The following SPEG variants were observed in gnomAD, a reference collection of about 807,000 sequenced individuals.
SPEG encodes striated muscle enriched protein kinase.
A neutral mutation model predicts 300.4 loss-of-function variants in SPEG; 114 were observed. The ratio of observed to expected loss-of-function variants is 0.38; its 90% confidence interval spans 0.33 to 0.44. The LOEUF (loss-of-function observed/expected upper bound fraction) is 0.44. SPEG is among the 20% of genes least tolerant of loss of function. The pLI, the probability that SPEG is intolerant of heterozygous loss-of-function variation, is 1.00. For missense variants in SPEG, 4,201 were observed against 4,586.2 expected, an observed-to-expected ratio of 0.92 and a Z score of 2.43; for synonymous variants, 1,964 against 2,018.9, an observed-to-expected ratio of 0.97 and a Z score of 0.73.
rs1309327561 is a variant in SPEG, at chr2:219,434,863, G to A, written c.-115G>A. On this transcript the variant is annotated 5_prime_UTR_variant, in exon 1 of 41. Transcript: ENST00000312358. ...TGGGTAGCACAGGCCGAAGGCGGGC[G>A]GGCAGCAGGAAGGCAGGCCGCCGGC... is the stretch of plus-strand genomic sequence containing the variant. 6.1e-6 allele frequency: 4 copies of A among 660,170 alleles called. No homozygotes were observed. Among genetic ancestry groups the A allele is most frequent in the African/African-American group, 5.8e-5 (3 of 51,820 alleles). 40.9% of individuals were successfully genotyped at this position (660,170 alleles called of 1,614,324 possible). A position where few individuals can be genotyped will look rare whatever the true frequency, so the allele number is the denominator to read the frequency against.
rs1309890128 is a variant in SPEG at position 219,493,286 on chromosome 2, C to T, written c.*500C>T. ...AGGGCTGGGACATGAGAGAAGGCAG[C>T]GAGGCGGCAGAGGGAGAAGAGAGGA... On this transcript the variant is annotated 3_prime_UTR_variant, in exon 41 of 41. Transcript: ENST00000312358. 6 of 355,120 alleles carry T rather than the reference C, an allele frequency of 1.7e-5. No homozygotes were observed. Among genetic ancestry groups the T allele is most frequent in the African/African-American group, 1.1e-4 (5 of 46,652 alleles). The allele number at this position is 355,120 out of a possible 1,614,324, so 22.0% of individuals were successfully genotyped here.
rs1689540191 is a variant in SPEG, at chr2:219,449,070, G to C, written c.1912G>C (p.Val638Leu). The change falls in exon 4 of 41, where the codon GTG becomes CTG. Residue 638 changes from valine (V) to leucine (L), a missense_variant. Around this residue, in one of 4 missense-constraint regions of SPEG, gnomAD observed 1,258 missense variants for 1,293.9 expected, o/e 0.97. Coordinates refer to ENST00000312358, the MANE Select transcript of SPEG (RefSeq NM_005876.5). ...GAAGCGGGAGCCCCCGGCGCAGGCC[G>C]TGCGCTTCCTGCCCTGGGCCACGCC... ...GRKREPPAQA[V>L]RFLPWATPGL... 6.6e-7 allele frequency: 1 copy of C among 1,516,966 alleles called. No individual in the cohort carries two copies. Among genetic ancestry groups the C allele is most frequent in the Non-Finnish European group, 8.8e-7 (1 of 1,132,308 alleles). The allele number at this position is 1,516,966 out of a possible 1,614,324, so 94.0% of individuals were successfully genotyped here.
In SPEG at chr2:219,480,281, GC is replaced by G; in HGVS notation, c.5342+144del. On this transcript the variant is annotated intron_variant, in intron 25 of 40. Transcript: ENST00000312358. This position sits in a 1 kb window ranked among gnomAD's most constrained non-coding sequence, Gnocchi z 5.3. Reference sequence around the variant, plus strand: ...GGAGGCATTGTTTGCAGGGTCTCCTGCCCATGTTACTCCTTGCCCCTTGTGA... The same window carrying G: ...GGAGGCATTGTTTGCAGGGTCTCCTGCCATGTTACTCCTTGCCCCTTGTGA... 1 of 910,214 alleles carries G rather than the reference GC, an allele frequency of 1.1e-6. No individual in the cohort carries two copies. Among genetic ancestry groups the G allele is most frequent in the Non-Finnish European group, 1.7e-6 (1 of 601,526 alleles). The allele number at this position is 910,214 out of a possible 1,614,324, so 56.4% of individuals were successfully genotyped here. A position where few individuals can be genotyped will look rare whatever the true frequency, so the allele number is the denominator to read the frequency against.
In SPEG at chr2:219,449,083, C is replaced by T. The variant is rs902645592; in HGVS notation, c.1925C>T (p.Pro642Leu). 17 of 1,512,878 alleles carry T rather than the reference C, an allele frequency of 1.1e-5. No individual in the cohort carries two copies. The highest frequency in any genetic ancestry group is 1.5e-5 in the Non-Finnish European group (17 of 1,130,522). The allele number at this position is 1,512,878 out of a possible 1,614,324, so 93.7% of individuals were successfully genotyped here. ...EPPAQAVRFL[P>L]WATPGLEGAA... is the part of the protein sequence containing the mutation. ...CCGGCGCAGGCCGTGCGCTTCCTGC[C>T]CTGGGCCACGCCGGGCCTGGAGGGC... Residue 642 changes from proline (P) to leucine (L), a missense_variant, in exon 4 of 41, where the codon CCC becomes CTC. Transcript: ENST00000312358.
Position 219,477,889 on chromosome 2 carries a change from T to G in SPEG, c.4827-16T>G, listed in dbSNP as rs1209905180. On this transcript the variant is annotated splice_polypyrimidine_tract_variant and intron_variant, in intron 21 of 40. Coordinates refer to ENST00000312358, the MANE Select transcript of SPEG (RefSeq NM_005876.5). This position sits in a 1 kb window ranked among gnomAD's most constrained non-coding sequence, Gnocchi z 6.4. ...CAGTGATGGCTGATCTCTGACCCCC[T>G]CCCTGTGTCAACCAGGGGTGCTTTC... 5 of 1,612,326 alleles carry G rather than the reference T, an allele frequency of 3.1e-6. No individual in the cohort carries two copies. Among genetic ancestry groups the G allele is most frequent in the Non-Finnish European group, 4.2e-6 (5 of 1,178,670 alleles).
At chr2:219,488,973 C>T (rs957148107) in intron 34 of SPEG, 73 bp downstream of exon 34, 9 of 1,603,664 alleles carry the variant, frequency 5.6e-6, no homozygotes, top group Non-Finnish European at 7.7e-6. Flanking sequence ...GGCCAGTGCC[C>T]TCCCAGGCTC....
intron 35 of SPEG, 23 bp from the exon 36 acceptor site, chr2:219,489,313 T>G (rs760681683): frequency 1.2e-6 from 2 of 1,613,442 alleles, no homozygotes; most frequent in East Asian, 4.5e-5. Flanking sequence ...GGCACCACGG[T>G]GATGATTTTC....
rs1692050657 is a variant in SPEG at position 219,473,244 on chromosome 2, C to T, written c.4147+148C>T. The T allele has an allele frequency of 2.5e-6, 2 of 813,872 alleles. No homozygotes were observed. Among genetic ancestry groups the T allele is most frequent in the East Asian group, 5.4e-5 (2 of 37,326 alleles). 50.4% of individuals were successfully genotyped at this position (813,872 alleles called of 1,614,324 possible). On this transcript the variant is annotated intron_variant, in intron 16 of 40. Coordinates refer to ENST00000312358, the MANE Select transcript of SPEG (RefSeq NM_005876.5). The surrounding 1 kb of genome is among the most constrained non-coding windows in gnomAD (Gnocchi z 4.6). ...GGGACCTTGGCCCATCTGTACACTT[C>T]CTTCTCCCTCCTGAAAGCAGCAGGG...
chr2:219,435,104 C>G lies in SPEG; in HGVS notation c.127C>G (p.Pro43Ala), dbSNP rs1335002096. ...GGCTCCTGTGGCCGTGGCCGGGGCG[C>G]CAGTCTTCCTGCGGCCCCTGAAGAA... The part of the protein sequence containing the change: ...GGAPVAVAGA[P>A]VFLRPLKNAA... Residue 43 changes from proline (P) to alanine (A), a missense_variant, in exon 1 of 41, where the codon CCA becomes GCA. Pro to Ala is a conservative substitution (Grantham distance 27). Transcript: ENST00000312358. 6.9e-7 allele frequency: 1 copy of G among 1,457,454 alleles called. No homozygotes were observed. The highest frequency in any genetic ancestry group is 1.4e-5 in the South Asian group (1 of 73,290). The allele number at this position is 1,457,454 out of a possible 1,614,324, so 90.3% of individuals were successfully genotyped here. A position where few individuals can be genotyped will look rare whatever the true frequency, so the allele number is the denominator to read the frequency against.
chr2:219,479,686 G>T lies in SPEG; in HGVS notation c.5086-97G>T. 4 of 1,101,380 alleles carry T rather than the reference G, an allele frequency of 3.6e-6. No individual in the cohort carries two copies. Among genetic ancestry groups the T allele is most frequent in the Non-Finnish European group, 5.5e-6 (4 of 723,040 alleles). 68.2% of individuals were successfully genotyped at this position (1,101,380 alleles called of 1,614,324 possible). A position where few individuals can be genotyped will look rare whatever the true frequency, so the allele number is the denominator to read the frequency against. Reference sequence around the variant, plus strand: ...AGCCCCTTCCACGAGCCATCTGAAGGCTACTCCACAGGCACAGCCGGACCG... The same window carrying T: ...AGCCCCTTCCACGAGCCATCTGAAGTCTACTCCACAGGCACAGCCGGACCG... On this transcript the variant is annotated intron_variant, in intron 23 of 40. Transcript: ENST00000312358. This position sits in a 1 kb window ranked among gnomAD's most constrained non-coding sequence, Gnocchi z 5.5.
chr2:219,448,767 T>C lies in SPEG; in HGVS notation c.1609T>C (p.Ser537Pro). The C allele has an allele frequency of 6.9e-7, 1 of 1,450,186 alleles. No homozygotes were observed. The highest frequency in any genetic ancestry group is 9.0e-7 in the Non-Finnish European group (1 of 1,108,258). 89.8% of individuals were successfully genotyped at this position (1,450,186 alleles called of 1,614,324 possible). A position where few individuals can be genotyped will look rare whatever the true frequency, so the allele number is the denominator to read the frequency against. The change falls in exon 4 of 41, where the codon TCT becomes CCT. Residue 537 changes from serine to proline, a missense_variant. Ser to Pro is a moderately conservative substitution (Grantham distance 74, BLOSUM62 -1). Transcript: ENST00000312358. ...PREPGEPPLF[S>P]RPSTPKTSRA... is the part of the protein sequence containing the mutation. Reference sequence around the variant, plus strand: ...AGAGCCCGGCGAGCCCCCGCTCTTCTCTCGGCCCTCCACCCCCAAGACATC... The same window carrying C: ...AGAGCCCGGCGAGCCCCCGCTCTTCCCTCGGCCCTCCACCCCCAAGACATC...
chr2:219,492,012 G>A (rs887799881), intron 39 of SPEG, 99 bp from the exon 40 acceptor site: 1 of 1,412,114 alleles, frequency 7.1e-7, no homozygotes, highest in African/African-American at 1.4e-5. Context: ...GTGCACAGTA[G>A]CATGGCCCTG....
At chr2:219,485,789 G>A (rs923580771) in intron 31 of SPEG, among the ~76,000 whole-genome samples, 2 of 152,228 alleles carry the variant, frequency 1.3e-5, no homozygotes, top group African/African-American at 4.8e-5. Flanking sequence ...CACAGGGCTA[G>A]TAAGTGGAGC....
chr2:219,484,202 C>G lies in SPEG; in HGVS notation c.6739C>G (p.Gln2247Glu). The G allele has an allele frequency of 1.2e-6, 2 of 1,612,552 alleles. No homozygotes were observed. Among genetic ancestry groups the G allele is most frequent in the South Asian group, 1.1e-5 (1 of 91,060 alleles). The change falls in exon 30 of 41, where the codon CAG becomes GAG. Residue 2247 changes from glutamine (Q) to glutamate (E), a missense_variant. Physicochemically the swap from Gln to Glu is conservative, Grantham distance 29. This residue lies in a region of SPEG where 1,578 missense variants were observed against 1,506.0 expected (regional missense o/e 1.05). Coordinates refer to ENST00000312358, the MANE Select transcript of SPEG (RefSeq NM_005876.5). ...AGCGCTGCCCCTCACACCCTATGCT[C>G]AGATCATTCAGTCCCTCCAGCTGTC... ...TLALPLTPYA[Q>E]IIQSLQLSGH... is the part of the protein sequence containing the mutation.
chr2:219,435,469 C>T, intron 1 of SPEG, 104 bp downstream of exon 1: 2 of 1,257,434 alleles, frequency 1.6e-6, no homozygotes, highest in Non-Finnish European at 2.1e-6. Flanking sequence ...GGTTCCGCCG[C>T]CTTCTTCCCA....
intron 18 of SPEG, among the ~76,000 whole-genome samples, chr2:219,474,795 CTTTTTT>C (rs34814828): frequency 1.8e-5 from 2 of 110,436 alleles, no homozygotes; most frequent in Admixed American, 9.3e-5. Context: ...AGCAAGGATT[CTTTTTT>C]TTTTTTTTTT....
intron 6 of SPEG, among the ~76,000 whole-genome samples, chr2:219,454,031 C>T (rs553294948): frequency 8.5e-5 from 13 of 152,262 alleles, no homozygotes; most frequent in African/African-American, 1.2e-4. Context: ...AAGAGGCCTG[C>T]GTGCAGCCAC....
At position 219,464,383 on chromosome 2, in the gene SPEG, C is replaced by T. The variant is rs748041231; in HGVS notation, c.2706-50C>T. 4.7e-5 allele frequency: 73 copies of T among 1,553,444 alleles called. 1 individual carries two copies. The Admixed American group carries it at 8.0e-4, about 17-fold the overall frequency. On this transcript the variant is annotated intron_variant, in intron 8 of 40. Transcript: ENST00000312358. This position sits in a 1 kb window ranked among gnomAD's most constrained non-coding sequence, Gnocchi z 4.5. ...GTGCTGCAGCCCCAGTTCCTGTGCA[C>T]GCACATCAGGCCCCTGGGCCCTGGG...
rs1449803682 is a variant in SPEG at position 219,443,096 on chromosome 2, T to C, written c.389-1557T>C. ...TCCCCCTCAACTACTCATTCTGGCT[T>C]TTCTCTTTCAGAAAACCGGCCATTC... On this transcript the variant is annotated intron_variant, in intron 1 of 40. Coordinates refer to ENST00000312358, the MANE Select transcript of SPEG (RefSeq NM_005876.5). This position sits in a 1 kb window ranked among gnomAD's most constrained non-coding sequence, Gnocchi z 4.6. 4 of 1,611,916 alleles carry C rather than the reference T, an allele frequency of 2.5e-6. No homozygotes were observed. Among genetic ancestry groups the C allele is most frequent in the Non-Finnish European group, 3.4e-6 (4 of 1,179,380 alleles).
Sources: allele counts gnomAD v4.1 joint callset (sites outside exome capture counted in the v4.1 genomes callset), GRCh38; gene constraint gnomAD v4.1.1; regional missense constraint gnomAD v4.1.1; non-coding constraint Gnocchi (gnomAD v3.1); transcripts MANE v1.5; gene names NCBI Gene and HGNC (gene_info 2026-07-23, HGNC 2026-07-21).